The following MOV10L1 variants were observed in gnomAD, a reference collection of about 807,000 sequenced individuals.
The protein encoded by MOV10L1 is RNA helicase Mov10l1.
In MOV10L1, 110 loss-of-function variants were observed where a neutral mutation model predicts 143.8. The ratio of observed to expected loss-of-function variants is 0.76; its 90% CI spans 0.66 to 0.90. The LOEUF (loss-of-function observed/expected upper bound fraction) is 0.90. MOV10L1 is among the 40% of genes least tolerant of loss of function. The probability of loss-of-function intolerance (pLI) is 0.00; values close to 1 mark genes in which losing one functional copy is unlikely to be tolerated. For synonymous variants in MOV10L1, 593 were observed against 581.1 expected (o/e 1.02, Z -0.29); for missense variants, 1,406 against 1,526.8 (o/e 0.92, Z 1.32).
At chr22:50,093,001 CGCCATTCTCCT>C (rs2062492986) in intron 2 of MOV10L1, 1 of 151,906 alleles carries the variant, frequency 6.6e-6, no homozygotes. Flanking sequence ...CCTGGGTTCA[CGCCATTCTCCT>C]GCCTCAGCCT....
In MOV10L1 at chr22:50,143,012, C is replaced by T. The variant is rs377571767; in HGVS notation, c.2180-31C>T. On this transcript the variant is annotated intron_variant, in intron 16 of 26. Transcript: ENST00000262794. ...CACAGCTGTTGAGAGCTGTTTGCAT[C>T]TAACTGAAACTTTCTTCACTTTGAA... The T allele has an allele frequency of 6.8e-6, 11 of 1,606,936 alleles. No individual in the cohort carries two copies. In the South Asian group the frequency reaches 1.1e-4, roughly 16 times the overall value.
At position 50,117,416 on chromosome 22, in the gene MOV10L1, G is replaced by A. The variant is rs150400029; in HGVS notation, c.1454+65G>A. On this transcript the variant is annotated intron_variant, in intron 9 of 26. Transcript: ENST00000262794. ...TTTTATCTGTGAAGGAAAAGCGGACGTGCACTGGCAAGCGGTGGCTACCAC... is the reference window on the plus strand; with the variant it reads ...TTTTATCTGTGAAGGAAAAGCGGACATGCACTGGCAAGCGGTGGCTACCAC... 4,552 of 1,550,622 alleles carry A rather than the reference G, an allele frequency of 2.9e-3. 8 individuals carry two copies. Among genetic ancestry groups the A allele is most frequent in the Non-Finnish European group, 3.6e-3 (4,110 of 1,142,482 alleles).
intron 8 of MOV10L1, among the ~76,000 whole-genome samples, chr22:50,116,903 G>C (rs1214743675): frequency 6.6e-6 from 1 of 151,990 alleles, no homozygotes; most frequent in Non-Finnish European, 1.5e-5. Flanking sequence ...CGATCTGCCC[G>C]CCTCAGTCTT....
intron 3 of MOV10L1, among the ~76,000 whole-genome samples, chr22:50,105,929 C>T (rs1407251431): frequency 2.0e-5 from 3 of 152,208 alleles, no homozygotes; most frequent in Non-Finnish European, 2.9e-5. Context: ...TGGAGGATCA[C>T]GTGTGCGCTA....
intron 9 of MOV10L1, 144 bp downstream of exon 9, chr22:50,117,495 A>T (rs1179943893): frequency 1.2e-6 from 1 of 836,608 alleles, no homozygotes; most frequent in East Asian, 2.7e-5. Context: ...TCTTTCCATG[A>T]TTGTATTTGG....
chr22:50,144,047 C>T (rs1464652072), intron 17 of MOV10L1, 50 bp from the exon 18 acceptor site: 15 of 1,581,086 alleles, frequency 9.5e-6, no homozygotes, highest in Admixed American at 5.1e-5. Flanking sequence ...CTGGTTTCCA[C>T]CTTGCGGTGT....
At chr22:50,093,914 G>C (rs192815489) in intron 2 of MOV10L1, 3 of 152,208 alleles carry the variant, frequency 2.0e-5, no homozygotes, top group African/African-American at 7.2e-5. Context: ...CCAGTCATCT[G>C]AGTAGCTCAC....
At chr22:50,091,801 G>A (rs1444029585) in intron 1 of MOV10L1, among the ~76,000 whole-genome samples, 200 bp from the exon 2 acceptor site, 1 of 152,136 alleles carries the variant, frequency 6.6e-6, no homozygotes, top group Admixed American at 6.5e-5. Context: ...AGGAAACTGG[G>A]CTGTCTGCCT....
At chr22:50,140,576 CA>C (rs1029278691) in intron 15 of MOV10L1, among the ~76,000 whole-genome samples, 12 of 152,070 alleles carry the variant, frequency 7.9e-5, no homozygotes, top group African/African-American at 2.9e-4. Flanking sequence ...ATATGTATCA[CA>C]AAAAAATCTT....
At chr22:50,124,009 A>T (rs1259659267) in intron 10 of MOV10L1, among the ~76,000 whole-genome samples, 3 of 152,062 alleles carry the variant, frequency 2.0e-5, no homozygotes, top group East Asian at 3.9e-4. Flanking sequence ...TATTTTAGTA[A>T]TTTGTCTTTC....
chr22:50,125,166 G>A (rs559490350), intron 10 of MOV10L1, among the ~76,000 whole-genome samples: 1 of 152,326 alleles, frequency 6.6e-6, no homozygotes, highest in East Asian at 1.9e-4. Flanking sequence ...GCCAGCTGGA[G>A]CCCCACTGCC....
In MOV10L1 at chr22:50,120,547, C is replaced by T; in HGVS notation, c.1500C>T (p.Ile500=). ...QLPSFLPQYP[I]PDRLRKCVEQ... ...CAAGTTTTCTTCCCCAATATCCAAT[C>T]CCAGATAGACTTAGAAAATGTGTGG... is the stretch of plus-strand genomic sequence containing the variant. The change falls in exon 10 of 27, where the codon ATC becomes ATT. Residue 500 remains isoleucine (I), a synonymous_variant. Coordinates refer to ENST00000262794, the MANE Select transcript of MOV10L1 (RefSeq NM_018995.3). 1 of 1,613,408 alleles carries T rather than the reference C, an allele frequency of 6.2e-7. No homozygotes were observed. The highest frequency in any genetic ancestry group is 1.1e-5 in the South Asian group (1 of 90,838).
At chr22:50,100,344 T>G (rs1025438295) in intron 3 of MOV10L1, among the ~76,000 whole-genome samples, 1 of 152,140 alleles carries the variant, frequency 6.6e-6, no homozygotes, top group Non-Finnish European at 1.5e-5. Context: ...ATTTGTTAAA[T>G]GCAGTCAGTA....
rs551802324 is a variant in MOV10L1 at position 50,107,891 on chromosome 22, A to G, written c.443-245A>G. Reference sequence around the variant, plus strand: ...CGAGGAGGGACTGCCACGAGCATGCACACTGCACCTTCTAGAGCCTGGAGG... The same window carrying G: ...CGAGGAGGGACTGCCACGAGCATGCGCACTGCACCTTCTAGAGCCTGGAGG... On this transcript the variant is annotated intron_variant, in intron 3 of 26. Transcript: ENST00000262794. 2.0e-5 allele frequency among the ~76,000 whole-genome samples: 3 copies of G among 152,320 alleles called. No homozygotes were observed. The South Asian group carries it at 6.2e-4, about 32-fold the overall frequency.
chr22:50,135,448 A>C (rs973755303), intron 15 of MOV10L1, among the ~76,000 whole-genome samples: 6 of 152,114 alleles, frequency 3.9e-5, no homozygotes, highest in African/African-American at 1.4e-4. Flanking sequence ...GAATGTTGCA[A>C]AGATATTTTA....
chr22:50,137,971 C>T (rs2062879961), intron 15 of MOV10L1, among the ~76,000 whole-genome samples: 1 of 151,466 alleles, frequency 6.6e-6, no homozygotes, highest in Admixed American at 6.6e-5. Flanking sequence ...CCAGGAATGG[C>T]TTAACATTCC....
At position 50,150,838 on chromosome 22, in the gene MOV10L1, G is replaced by A. The variant is rs767062478; in HGVS notation, c.2831G>A (p.Arg944Gln). ...NVSFLERLMSRPAYQRDENAF... is the reference protein window; with the variant it reads ...NVSFLERLMSQPAYQRDENAF... ...TCCTTTTTGGAACGGCTGATGTCTCGACCCGCGTACCAGAGGGACGAAAAT... is the reference window on the plus strand; with the variant it reads ...TCCTTTTTGGAACGGCTGATGTCTCAACCCGCGTACCAGAGGGACGAAAAT... Residue 944 changes from arginine to glutamine, a missense_variant, in exon 21 of 27, where the codon CGA becomes CAA. By Grantham distance (43) the Arg-to-Gln change is conservative. This residue lies in a region of MOV10L1 where 1,233 missense variants were observed against 1,351.4 expected (regional missense o/e 0.91). Transcript: ENST00000262794. 3.6e-5 allele frequency: 58 copies of A among 1,614,048 alleles called. 1 individual carries two copies. The highest frequency in any genetic ancestry group is 2.5e-4 in the South Asian group (23 of 91,072).
chr22:50,150,942 G>A, intron 21 of MOV10L1, 43 bp downstream of exon 21: 3 of 1,611,746 alleles, frequency 1.9e-6, no homozygotes, highest in Non-Finnish European at 2.5e-6. Flanking sequence ...CAGCTAAGCA[G>A]ACACAGGCTC....
rs772071449 is a variant in MOV10L1, at chr22:50,115,180, A to G, written c.1193A>G (p.Glu398Gly). 17 of 1,566,070 alleles carry G rather than the reference A, an allele frequency of 1.1e-5. No homozygotes were observed. The South Asian group carries it at 2.1e-4, about 19-fold the overall frequency. ...ATTCTATCAAGGAAGCAGATGACAG[A>G]GCCTGAGCCTGGGGGGCTTGTCCCT... ...DNILSRKQMT[E>G]PEPGGLVPPG... The change falls in exon 8 of 27, where the codon GAG (glutamate) becomes GGG (glycine). Residue 398 changes from glutamate to glycine, a missense_variant. Glu to Gly is a moderately conservative substitution (Grantham distance 98, BLOSUM62 -2). Coordinates refer to ENST00000262794, the MANE Select transcript of MOV10L1 (RefSeq NM_018995.3).
Sources: allele counts gnomAD v4.1 joint callset (sites outside exome capture counted in the v4.1 genomes callset), GRCh38; gene constraint gnomAD v4.1.1; regional missense constraint gnomAD v4.1.1; transcripts MANE v1.5; gene names NCBI Gene and HGNC (gene_info 2026-07-23, HGNC 2026-07-21).